Variants in MAP3K15 observed in about 807,000 individuals in gnomAD.
The protein encoded by MAP3K15 is mitogen-activated protein kinase kinase kinase 15, also known as MAPK/ERK kinase kinase 15.
In MAP3K15, 124 loss-of-function variants were observed where a neutral mutation model predicts 99.5. The ratio of observed to expected loss-of-function variants is 1.25; its 90% CI spans 1.08 to 1.45. MAP3K15 has a LOEUF of 1.45. Among genes scored for constraint, MAP3K15 ranks in the 40% most tolerant of loss-of-function variants. MAP3K15 has a pLI of 0.00. For synonymous variants in MAP3K15, 494 were observed against 439.6 expected (o/e 1.12, Z -1.55); for missense variants, 1,242 against 1,079.7 (o/e 1.15, Z -2.11).
chrX:19,408,948 T>G (rs943582364), intron 12 of MAP3K15, among the ~76,000 whole-genome samples: 4 of 112,332 alleles, frequency 3.6e-5, no homozygotes, highest in Non-Finnish European at 5.6e-5. Context: ...TTACCTTTCC[T>G]TTTCATGAGA....
intron 9 of MAP3K15, among the ~76,000 whole-genome samples, chrX:19,421,793 C>T (rs763805300): frequency 0.019 from 2,139 of 109,974 alleles, 67 homozygotes; most frequent in African/African-American, 0.063. Context: ...TACAAGGCTA[C>T]GGTAACCAAA....
chrX:19,482,179 C>CAAAAAAAAAAAAAAAAAAAA (rs34191166), intron 3 of MAP3K15: 4 of 31,474 alleles, frequency 1.3e-4, no homozygotes, highest in African/African-American at 4.3e-4. Context: ...GATTCCAGCT[C>CAAAAAAAAAAAAAAAAAAAA]AAAAAAAAAA....
At chrX:19,397,589 G>A (rs932645451) in intron 15 of MAP3K15, among the ~76,000 whole-genome samples, 1 of 111,465 alleles carries the variant, frequency 9.0e-6, no homozygotes, top group Non-Finnish European at 1.9e-5. Context: ...ACTCCTGCCT[G>A]AGTGACAGAG....
chrX:19,470,967 A>AG (rs780414089), intron 3 of MAP3K15, among the ~76,000 whole-genome samples: 11 of 111,643 alleles, frequency 9.9e-5, no homozygotes, highest in South Asian at 3.7e-4. Context: ...AAAAAAAAGG[A>AG]GGGGGGGTAG....
chrX:19,398,092 C>G, intron 15 of MAP3K15, 134 bp downstream of exon 15: 1 of 695,373 alleles, frequency 1.4e-6, no homozygotes, highest in Non-Finnish European at 2.1e-6. Context: ...AAGATCACCC[C>G]TATTACAAGA....
Position 19,490,053 on chromosome X carries a change from T to C in MAP3K15, c.362-1086A>G, listed in dbSNP as rs529674601. On this transcript the variant is annotated intron_variant, in intron 1 of 28. Transcript: ENST00000338883. ...TCTGTCTCTAAATAAATAAATAAAT[T>C]TCTGTTGTTTAGAAGCCATGCCCAG... is the stretch of plus-strand genomic sequence containing the variant. Among the ~76,000 whole-genome samples the C allele has an allele frequency of 1.1e-4, 12 of 107,710 alleles. No individual in the cohort carries two copies. The South Asian group carries it at 4.9e-3, about 44-fold the overall frequency. The allele number at this position is 107,710 out of a possible 115,157, so 93.5% of individuals were successfully genotyped here. A position where few individuals can be genotyped will look rare whatever the true frequency, so the allele number is the denominator to read the frequency against.
At chrX:19,363,002 T>C (rs1372116642) in intron 25 of MAP3K15, 152 bp from the exon 26 acceptor site, 1 of 373,996 alleles carries the variant, frequency 2.7e-6, no homozygotes, top group Non-Finnish European at 4.6e-6. Flanking sequence ...GAAGCACATG[T>C]GTTTCTTCAG....
chrX:19,399,039 T>C (rs947077966), intron 14 of MAP3K15, among the ~76,000 whole-genome samples: 2 of 112,637 alleles, frequency 1.8e-5, no homozygotes, highest in Non-Finnish European at 3.7e-5. Flanking sequence ...TTATTTTGCA[T>C]GCTCCACTGC....
At chrX:19,457,432 T>C (rs371308437) in intron 5 of MAP3K15, among the ~76,000 whole-genome samples, 263 of 110,680 alleles carry the variant, frequency 2.4e-3, no homozygotes, top group African/African-American at 8.1e-3. Flanking sequence ...GCCAACATGG[T>C]GAAACCCTGT....
rs141141458 is a variant in MAP3K15, at chrX:19,488,975, G to C, written c.362-8C>G. ...TGTCTACCACAGCAACATCTGCAAT[G>C]AACAAGGAGAGGACAGGATTAGGGG... On this transcript the variant is annotated splice_polypyrimidine_tract_variant and splice_region_variant and intron_variant, in intron 1 of 28. Transcript: ENST00000338883. The C allele has an allele frequency of 1.2e-5, 14 of 1,194,040 alleles. No homozygotes were observed. The African/African-American group carries it at 2.5e-4, about 21-fold the overall frequency.
In MAP3K15 at chrX:19,395,156, G is replaced by T. The variant is rs748271078; in HGVS notation, c.2119C>A (p.Arg707Ser). 1 of 1,208,101 alleles carries T rather than the reference G, an allele frequency of 8.3e-7. No individual in the cohort carries two copies. The highest frequency in any genetic ancestry group is 1.1e-6 in the Non-Finnish European group (1 of 893,261). The part of the protein sequence containing the change: ...EIALHKYLKH[R>S]NIVQYLGSVS... ...GAGCCCAGGTACTGAACGATATTGC[G>T]GTGCTTAAGGTACTTGTGCAGGGCT... Residue 707 changes from arginine (R) to serine (S), a missense_variant, in exon 16 of 29, where the codon CGC becomes AGC. By Grantham distance (110) the Arg-to-Ser change is moderately radical. Transcript: ENST00000338883.
At chrX:19,378,702 T>C (rs2063437693) in intron 19 of MAP3K15, among the ~76,000 whole-genome samples, 1 of 111,344 alleles carries the variant, frequency 9.0e-6, no homozygotes, top group African/African-American at 3.3e-5. Flanking sequence ...TTTCTAAGCA[T>C]ACATGAGGCC....
chrX:19,415,164 G>A lies in MAP3K15; in HGVS notation c.1533C>T (p.Phe511=), dbSNP rs371895339. The A allele has an allele frequency of 3.0e-5, 35 of 1,176,289 alleles. No homozygotes were observed. The African/African-American group carries it at 4.9e-4, about 17-fold the overall frequency. The change falls in exon 10 of 29, where the codon TTC becomes TTT. Residue 511 remains phenylalanine (F), a synonymous_variant. Coordinates refer to ENST00000338883, the MANE Select transcript of MAP3K15 (RefSeq NM_001001671.4). ...EHSPRQERLN[F]WLDIIFEATN... Reference sequence around the variant, plus strand: ...TTGCCTCAAAAATTATATCTAACCAGAAGTTCAGCCGCTCTTGCCTGGGCG... The same window carrying A: ...TTGCCTCAAAAATTATATCTAACCAAAAGTTCAGCCGCTCTTGCCTGGGCG...
At chrX:19,439,120 C>T (rs924883674) in intron 6 of MAP3K15, among the ~76,000 whole-genome samples, 11 of 111,095 alleles carry the variant, frequency 9.9e-5, no homozygotes, top group African/African-American at 3.3e-4. Flanking sequence ...TTGCTCAAAC[C>T]CAGAAGGTGA....
At chrX:19,435,143 T>G (rs2063912039) in intron 6 of MAP3K15, among the ~76,000 whole-genome samples, 1 of 112,118 alleles carries the variant, frequency 8.9e-6, no homozygotes, top group African/African-American at 3.2e-5. Flanking sequence ...GGCACAACAT[T>G]TCTACATCTG....
intron 1 of MAP3K15, among the ~76,000 whole-genome samples, chrX:19,506,725 T>C (rs1183164616): frequency 9.0e-6 from 1 of 111,137 alleles, no homozygotes; most frequent in East Asian, 2.8e-4. Flanking sequence ...GGTTTCACTA[T>C]GTTGGCCAGG....
intron 6 of MAP3K15, among the ~76,000 whole-genome samples, chrX:19,437,956 G>C (rs1283036971): frequency 6.2e-5 from 7 of 112,150 alleles, no homozygotes; most frequent in African/African-American, 2.3e-4. Context: ...AAAGTACATA[G>C]AAAATTGTCT....
intron 2 of MAP3K15, among the ~76,000 whole-genome samples, chrX:19,487,973 C>A (rs1197525702): frequency 9.0e-6 from 1 of 110,983 alleles, no homozygotes; most frequent in African/African-American, 3.3e-5. Context: ...ACCCCCATCC[C>A]CGAGACTGTG....
At chrX:19,398,399 T>C in intron 14 of MAP3K15, 40 bp from the exon 15 acceptor site, 1 of 1,201,432 alleles carries the variant, frequency 8.3e-7, no homozygotes, top group Non-Finnish European at 1.1e-6. Context: ...AGCATACAAC[T>C]TGTAGCGGAG....
Sources: allele counts gnomAD v4.1 joint callset (sites outside exome capture counted in the v4.1 genomes callset), GRCh38; gene constraint gnomAD v4.1.1; transcripts MANE v1.5; gene names NCBI Gene and HGNC (gene_info 2026-07-23, HGNC 2026-07-21).